FRS2: variants seen among roughly 807,000 people sequenced by gnomAD.
FRS2 encodes the protein fibroblast growth factor receptor substrate 2, also known as FGFR signalling adaptor.
Under a neutral mutation model 43.9 loss-of-function variants are expected in FRS2, and 8 were observed. The ratio of observed to expected loss-of-function variants is 0.18; its 90% confidence interval spans 0.11 to 0.33. The LOEUF (loss-of-function observed/expected upper bound fraction) is 0.33, where lower values mean the gene tolerates loss of function less well. FRS2 is among the 10% of genes least tolerant of loss of function. The pLI is 1.00. For missense variants in FRS2, 534 were observed against 627.6 expected, an observed-to-expected ratio of 0.85 and a Z score of 1.59; for synonymous variants, 219 against 220.3, an observed-to-expected ratio of 0.99 and a Z score of 0.05.
intron 1 of FRS2, among the ~76,000 whole-genome samples, chr12:69,473,045 AAAG>A (rs1159897484): frequency 6.6e-6 from 1 of 152,270 alleles, no homozygotes; most frequent in Non-Finnish European, 1.5e-5. Context: ...AAATTATACA[AAAG>A]AAGAAAGGGT....
At chr12:69,501,037 T>C (rs1225047284) in intron 1 of FRS2, among the ~76,000 whole-genome samples, 2 of 152,334 alleles carry the variant, frequency 1.3e-5, no homozygotes, top group South Asian at 2.1e-4. Flanking sequence ...TTCTACATTA[T>C]AAAATTAATT....
intron 1 of FRS2, among the ~76,000 whole-genome samples, chr12:69,493,954 G>A (rs1011487266): frequency 2.0e-5 from 3 of 151,934 alleles, no homozygotes; most frequent in Admixed American, 6.6e-5. Context: ...AGCTATTTAC[G>A]TGAATTTTAC....
At chr12:69,537,648 G>A (rs188814920) in intron 3 of FRS2, among the ~76,000 whole-genome samples, 1 of 151,772 alleles carries the variant, frequency 6.6e-6, no homozygotes, top group Non-Finnish European at 1.5e-5. Flanking sequence ...AATGTATTGA[G>A]GGCGTTATTT....
chr12:69,551,775 A>G (rs1042496445), intron 3 of FRS2, among the ~76,000 whole-genome samples: 12 of 152,056 alleles, frequency 7.9e-5, no homozygotes, highest in Admixed American at 1.3e-4. Context: ...CTTGATAGTA[A>G]CTATCTTCAA....
chr12:69,496,647 A>G (rs1183016151), intron 1 of FRS2, among the ~76,000 whole-genome samples: 2 of 152,210 alleles, frequency 1.3e-5, no homozygotes, highest in East Asian at 1.9e-4. Context: ...GTGTATAACA[A>G]TTCTAACTTG....
At chr12:69,488,417 T>C (rs769515026) in intron 1 of FRS2, among the ~76,000 whole-genome samples, 1 of 152,176 alleles carries the variant, frequency 6.6e-6, no homozygotes, top group Non-Finnish European at 1.5e-5. Flanking sequence ...TTTTTAGTAA[T>C]AAAGTATTTT....
intron 3 of FRS2, among the ~76,000 whole-genome samples, chr12:69,553,199 G>A (rs1054455891): frequency 6.6e-6 from 1 of 151,784 alleles, no homozygotes; most frequent in Non-Finnish European, 1.5e-5. Context: ...AGCCTCCCGA[G>A]TAGTTGGGAT....
At chr12:69,499,360 G>A (rs955913484) in intron 1 of FRS2, among the ~76,000 whole-genome samples, 1 of 152,078 alleles carries the variant, frequency 6.6e-6, no homozygotes, top group Non-Finnish European at 1.5e-5. Flanking sequence ...CCACTTTTTG[G>A]AATGTATTTT....
intron 8 of FRS2, among the ~76,000 whole-genome samples, chr12:69,572,923 C>T (rs761266330): frequency 1.3e-5 from 2 of 152,192 alleles, no homozygotes; most frequent in African/African-American, 2.4e-5. Flanking sequence ...CTCCACCTCC[C>T]GGGTTCAAGC....
chr12:69,508,356 T>C (rs906902437), intron 1 of FRS2, among the ~76,000 whole-genome samples: 18 of 152,186 alleles, frequency 1.2e-4, no homozygotes, highest in Non-Finnish European at 1.8e-4. Flanking sequence ...GAGTGGTTTT[T>C]AACAGTTAGG....
intron 1 of FRS2, among the ~76,000 whole-genome samples, chr12:69,503,242 C>G (rs1873623284): frequency 6.6e-6 from 1 of 152,198 alleles, no homozygotes; most frequent in South Asian, 2.1e-4. Context: ...TATGCCCCCC[C>G]TCCATTTTGA....
chr12:69,571,245 A>G, intron 6 of FRS2, 31 bp from the exon 7 acceptor site: 2 of 1,505,690 alleles, frequency 1.3e-6, no homozygotes, highest in Non-Finnish European at 1.8e-6. Flanking sequence ...AGGTATGTTA[A>G]CTATTTTTCC....
intron 3 of FRS2, among the ~76,000 whole-genome samples, chr12:69,561,745 A>C (rs1879897140): frequency 6.6e-6 from 1 of 152,196 alleles, no homozygotes; most frequent in Admixed American, 6.5e-5. Flanking sequence ...TCAGCTCTTC[A>C]AGAGGAATTA....
intron 2 of FRS2, among the ~76,000 whole-genome samples, chr12:69,531,596 A>G (rs1876799697): frequency 6.6e-6 from 1 of 152,144 alleles, no homozygotes; most frequent in South Asian, 2.1e-4. Flanking sequence ...GGTCATGGTT[A>G]CAAAACTTTG....
intron 1 of FRS2, among the ~76,000 whole-genome samples, chr12:69,478,391 T>C (rs1244918548): frequency 6.6e-6 from 1 of 152,140 alleles, no homozygotes; most frequent in Non-Finnish European, 1.5e-5. Context: ...ATAGGAGAAC[T>C]AAATTTTTAA....
intron 1 of FRS2, among the ~76,000 whole-genome samples, chr12:69,515,327 T>A (rs1874883782): frequency 6.6e-6 from 1 of 152,262 alleles, no homozygotes; most frequent in Admixed American, 6.5e-5. Flanking sequence ...GCTGAAAGTT[T>A]CTGGCTTTAA....
intron 3 of FRS2, among the ~76,000 whole-genome samples, chr12:69,555,491 T>C (rs964934042): frequency 6.6e-6 from 1 of 152,224 alleles, no homozygotes; most frequent in African/African-American, 2.4e-5. Flanking sequence ...AAACTTTTTG[T>C]TGTTGGCATT....
chr12:69,489,989 T>A (rs1158230910), intron 1 of FRS2, among the ~76,000 whole-genome samples: 1 of 148,682 alleles, frequency 6.7e-6, no homozygotes, highest in African/African-American at 2.5e-5. Context: ...ATAGTTTGAT[T>A]AAAAAAAAAA....
chr12:69,522,001 T>G (rs1373500166), intron 1 of FRS2, among the ~76,000 whole-genome samples: 3 of 152,212 alleles, frequency 2.0e-5, no homozygotes, highest in Non-Finnish European at 4.4e-5. Flanking sequence ...GTTTCTATCT[T>G]TAGTTCTGTT....
Sources: allele counts gnomAD v4.1 joint callset (sites outside exome capture counted in the v4.1 genomes callset), GRCh38; gene constraint gnomAD v4.1.1; transcripts MANE v1.5; gene names NCBI Gene and HGNC (gene_info 2026-07-23, HGNC 2026-07-21).